The following MCU variants were observed in gnomAD, a reference collection of about 807,000 sequenced individuals.
MCU encodes the protein calcium uniporter protein, mitochondrial.
MCU carries 12 observed loss-of-function variants against 45.2 expected under a neutral mutation model. The ratio of observed to expected loss-of-function variants is 0.27; its 90% CI spans 0.17 to 0.43. The LOEUF is 0.43. Among genes scored for constraint, MCU ranks in the 20% least tolerant of loss-of-function variants. The pLI is 1.00. For missense variants in MCU, 324 were observed against 436.7 expected, an observed-to-expected ratio of 0.74 and a Z score of 2.30; for synonymous variants, 160 against 165.1, an observed-to-expected ratio of 0.97 and a Z score of 0.24.
At chr10:72,720,083 G>A (rs1424878315) in intron 1 of MCU, among the ~76,000 whole-genome samples, 1 of 151,706 alleles carries the variant, frequency 6.6e-6, no homozygotes, top group Non-Finnish European at 1.5e-5. Context: ...TCACTAGGTT[G>A]CCCAGCTGGT....
chr10:72,734,430 A>G (rs1274788705), intron 1 of MCU, among the ~76,000 whole-genome samples: 2 of 152,214 alleles, frequency 1.3e-5, no homozygotes, highest in African/African-American at 2.4e-5. Context: ...AAATGTTACT[A>G]AAATTAATTT....
chr10:72,773,429 T>C (rs1313504409), intron 1 of MCU, among the ~76,000 whole-genome samples: 4 of 152,000 alleles, frequency 2.6e-5, no homozygotes, highest in Admixed American at 1.3e-4. Flanking sequence ...TATTTGAAAA[T>C]ATACAGTCAG....
chr10:72,854,723 C>T, intron 2 of MCU, among the ~76,000 whole-genome samples: 1 of 152,138 alleles, frequency 6.6e-6, no homozygotes. Flanking sequence ...TTGGCGACCC[C>T]CTAACCTACA....
chr10:72,702,993 A>G (rs970699761), intron 1 of MCU, among the ~76,000 whole-genome samples: 17 of 152,058 alleles, frequency 1.1e-4, no homozygotes, highest in Non-Finnish European at 1.9e-4. Flanking sequence ...AAAGAAAAAA[A>G]AAAAAAAAGC....
At chr10:72,765,786 CAAAAAAAAAAAA>C in intron 1 of MCU, among the ~76,000 whole-genome samples, 1 of 63,230 alleles carries the variant, frequency 1.6e-5, no homozygotes, top group East Asian at 5.9e-4. Context: ...GACGCTGTCT[CAAAAAAAAAAAA>C]AAAAAAAAAA....
At chr10:72,872,974 G>T (rs1396904716) in intron 6 of MCU, among the ~76,000 whole-genome samples, 3 of 134,628 alleles carry the variant, frequency 2.2e-5, no homozygotes, top group African/African-American at 5.6e-5. Context: ...TTCATTGTGG[G>T]TTTTTTTATT....
At chr10:72,804,064 ATATATATAT>A (rs1564561724) in intron 1 of MCU, among the ~76,000 whole-genome samples, 20 of 80,130 alleles carry the variant, frequency 2.5e-4, no homozygotes, top group African/African-American at 6.2e-4. Flanking sequence ...ATATATATAT[ATATATATAT>A]AAAATAAGAG....
At chr10:72,750,435 T>C (rs1843477735) in intron 1 of MCU, among the ~76,000 whole-genome samples, 1 of 152,196 alleles carries the variant, frequency 6.6e-6, no homozygotes, top group Non-Finnish European at 1.5e-5. Flanking sequence ...TTGCAAGGCA[T>C]TGATTACAAA....
chr10:72,765,042 A>G (rs1367030887), intron 1 of MCU, among the ~76,000 whole-genome samples: 1 of 151,348 alleles, frequency 6.6e-6, no homozygotes, highest in Non-Finnish European at 1.5e-5. Flanking sequence ...GCTTGAGCCC[A>G]GGAGTTCAAG....
At chr10:72,818,316 T>A (rs558459922) in intron 1 of MCU, among the ~76,000 whole-genome samples, 45 of 152,324 alleles carry the variant, frequency 3.0e-4, no homozygotes, top group African/African-American at 1.1e-3. Flanking sequence ...CACAGTGTTT[T>A]GCTAACTCAC....
chr10:72,748,857 T>C (rs1157059409), intron 1 of MCU, among the ~76,000 whole-genome samples: 2 of 152,238 alleles, frequency 1.3e-5, no homozygotes, highest in East Asian at 1.9e-4. Flanking sequence ...AGGTAAACTT[T>C]CCATCTGAGG....
chr10:72,808,817 T>C (rs1425412277), intron 1 of MCU, among the ~76,000 whole-genome samples: 1 of 152,110 alleles, frequency 6.6e-6, no homozygotes, highest in Non-Finnish European at 1.5e-5. Context: ...TACACACTTT[T>C]AGACAGCCAG....
At chr10:72,857,503 G>T (rs1485636551) in intron 2 of MCU, among the ~76,000 whole-genome samples, 1 of 152,078 alleles carries the variant, frequency 6.6e-6, no homozygotes. Flanking sequence ...CTCCCAAAGT[G>T]CTGGGATTAC....
At chr10:72,759,298 C>A (rs932102231) in intron 1 of MCU, among the ~76,000 whole-genome samples, 1 of 152,122 alleles carries the variant, frequency 6.6e-6, no homozygotes, top group Middle Eastern at 3.4e-3. Flanking sequence ...TGACTGGGGG[C>A]TGCATGCACT....
chr10:72,841,762 A>C (rs1402089260), intron 2 of MCU, among the ~76,000 whole-genome samples: 5 of 151,922 alleles, frequency 3.3e-5, no homozygotes, highest in Admixed American at 1.3e-4. Flanking sequence ...GGCTTTGAAG[A>C]CTCTTAGGCC....
intron 3 of MCU, among the ~76,000 whole-genome samples, chr10:72,859,551 G>A (rs1256036452): frequency 6.6e-6 from 1 of 152,148 alleles, no homozygotes; most frequent in Non-Finnish European, 1.5e-5. Context: ...ATCGGTTTTA[G>A]CAAATGTGTA....
At chr10:72,870,660 T>A (rs899692600) in intron 5 of MCU, among the ~76,000 whole-genome samples, 1 of 152,252 alleles carries the variant, frequency 6.6e-6, no homozygotes, top group Non-Finnish European at 1.5e-5. Flanking sequence ...TCGCTCTGAA[T>A]TGAGCTGCTT....
intron 2 of MCU, among the ~76,000 whole-genome samples, chr10:72,854,594 T>C (rs988294053): frequency 6.6e-6 from 1 of 152,170 alleles, no homozygotes; most frequent in Admixed American, 6.5e-5. Flanking sequence ...TAAAGATGTA[T>C]AACATAGAGC....
At chr10:72,844,146 C>T (rs964537880) in intron 2 of MCU, among the ~76,000 whole-genome samples, 9 of 152,022 alleles carry the variant, frequency 5.9e-5, no homozygotes, top group South Asian at 2.1e-4. Flanking sequence ...CAGTACTTTG[C>T]GGGGCCAAGG....
Sources: allele counts gnomAD v4.1 joint callset (sites outside exome capture counted in the v4.1 genomes callset), GRCh38; gene constraint gnomAD v4.1.1; transcripts MANE v1.5; gene names NCBI Gene and HGNC (gene_info 2026-07-23, HGNC 2026-07-21).